The following ITGA8 variants were observed in gnomAD, a reference collection of about 807,000 sequenced individuals.
ITGA8 encodes the protein integrin alpha-8.
ITGA8 carries 91 observed loss-of-function variants against 142.3 expected under a neutral mutation model. That is an observed-to-expected ratio of 0.64 (90% CI 0.54 to 0.76). The LOEUF is 0.76. Among genes scored for constraint, ITGA8 ranks in the 30% least tolerant of loss-of-function variants. The pLI, the probability that ITGA8 is intolerant of heterozygous loss-of-function variation, is 0.00. For missense variants in ITGA8, 1,406 were observed against 1,327.7 expected (o/e 1.06, Z -0.92); for synonymous variants, 505 against 485.2 (o/e 1.04, Z -0.54).
intron 25 of ITGA8, among the ~76,000 whole-genome samples, chr10:15,567,594 A>G (rs142564495): frequency 5.3e-5 from 8 of 152,336 alleles, no homozygotes; most frequent in East Asian, 1.9e-4. Flanking sequence ...AGAAAACACA[A>G]CTGAACCTGA....
At chr10:15,660,810 A>T in intron 9 of ITGA8, 69 bp downstream of exon 9, 1 of 1,224,292 alleles carries the variant, frequency 8.2e-7, no homozygotes, top group South Asian at 1.2e-5. Flanking sequence ...GTTTATTCAG[A>T]TGTAATTCCA....
At chr10:15,517,992 C>G (rs1210347875) in intron 29 of ITGA8, among the ~76,000 whole-genome samples, 2 of 152,174 alleles carry the variant, frequency 1.3e-5, no homozygotes, top group Non-Finnish European at 2.9e-5. Flanking sequence ...AAGAGATGGC[C>G]ACACATCCCT....
At chr10:15,670,379 C>A (rs968807839) in intron 8 of ITGA8, among the ~76,000 whole-genome samples, 1 of 152,106 alleles carries the variant, frequency 6.6e-6, no homozygotes, top group Non-Finnish European at 1.5e-5. Context: ...TAAAGATGAG[C>A]AAATAAGAAC....
chr10:15,710,098 A>G (rs979922765), intron 2 of ITGA8, among the ~76,000 whole-genome samples: 4 of 152,086 alleles, frequency 2.6e-5, no homozygotes, highest in Non-Finnish European at 5.9e-5. Flanking sequence ...ATTTTTCCTG[A>G]TCATAAATAA....
intron 11 of ITGA8, among the ~76,000 whole-genome samples, chr10:15,648,208 C>T (rs1326119712): frequency 6.6e-6 from 1 of 151,974 alleles, no homozygotes; most frequent in East Asian, 1.9e-4. Context: ...ATAATTTGAT[C>T]TAAATTAATG....
At chr10:15,718,713 C>T (rs887836575) in intron 2 of ITGA8, 53 bp downstream of exon 2, 2 of 1,604,368 alleles carry the variant, frequency 1.2e-6, no homozygotes, top group Non-Finnish European at 1.7e-6. Flanking sequence ...TCTGGGATGG[C>T]CCTGGTTCTT....
At chr10:15,703,960 A>C (rs1835212218) in intron 2 of ITGA8, among the ~76,000 whole-genome samples, 1 of 152,200 alleles carries the variant, frequency 6.6e-6, no homozygotes, top group Non-Finnish European at 1.5e-5. Context: ...ACTGCCAGGC[A>C]CTACTATCTC....
chr10:15,640,931 C>T (rs878857377), intron 13 of ITGA8, among the ~76,000 whole-genome samples: 4 of 152,200 alleles, frequency 2.6e-5, no homozygotes, highest in African/African-American at 9.6e-5. Context: ...CTGAGCTACC[C>T]TTTAGTCTGA....
At chr10:15,592,428 C>T (rs1588663176) in intron 21 of ITGA8, 124 bp from the exon 22 acceptor site, 2 of 711,266 alleles carry the variant, frequency 2.8e-6, no homozygotes, top group East Asian at 2.7e-5. Flanking sequence ...GCTTCTACCC[C>T]AGGTGGCTGA....
Position 15,608,230 on chromosome 10 carries a change from C to G in ITGA8, c.1609+5G>C. 6.3e-7 allele frequency: 1 copy of G among 1,589,250 alleles called. No homozygotes were observed. Among genetic ancestry groups the G allele is most frequent in the Non-Finnish European group, 8.6e-7 (1 of 1,163,774 alleles). ...ATAAGAATGTAAAAATGAAAACATG[C>G]TTACCTATTGTGTTTGCAATGCTCT... On this transcript the variant is annotated splice_donor_5th_base_variant and intron_variant, in intron 16 of 29. Coordinates refer to ENST00000378076, the MANE Select transcript of ITGA8 (RefSeq NM_003638.3).
At chr10:15,667,155 T>C (rs1834411272) in intron 8 of ITGA8, among the ~76,000 whole-genome samples, 1 of 152,186 alleles carries the variant, frequency 6.6e-6, no homozygotes, top group African/African-American at 2.4e-5. Context: ...TCCTGGAATT[T>C]TTTTGGTTGG....
intron 13 of ITGA8, among the ~76,000 whole-genome samples, chr10:15,625,289 T>C (rs1833561347): frequency 6.6e-6 from 1 of 152,226 alleles, no homozygotes; most frequent in Non-Finnish European, 1.5e-5. Context: ...GTCTGCCTTA[T>C]GAAAATAGTT....
At chr10:15,570,737 C>T (rs72779954) in intron 25 of ITGA8, among the ~76,000 whole-genome samples, 16 of 151,514 alleles carry the variant, frequency 1.1e-4, no homozygotes, top group Middle Eastern at 6.9e-3. Flanking sequence ...TTAATACTAT[C>T]GTAGTCACAG....
intron 23 of ITGA8, among the ~76,000 whole-genome samples, chr10:15,581,832 A>G (rs957355168): frequency 6.6e-6 from 1 of 152,234 alleles, no homozygotes; most frequent in Non-Finnish European, 1.5e-5. Flanking sequence ...ATAGAAGAGA[A>G]TAGCAAATCC....
intron 9 of ITGA8, among the ~76,000 whole-genome samples, chr10:15,660,026 AAAT>A (rs1181445947): frequency 2.0e-5 from 3 of 152,274 alleles, no homozygotes; most frequent in African/African-American, 4.8e-5. Flanking sequence ...TCATGGAAAC[AAAT>A]AATAAATTTA....
chr10:15,706,879 C>T (rs1418482581), intron 2 of ITGA8, among the ~76,000 whole-genome samples: 1 of 152,224 alleles, frequency 6.6e-6, no homozygotes, highest in Non-Finnish European at 1.5e-5. Flanking sequence ...TTGCTTATAC[C>T]TGGCCTTCTG....
At chr10:15,601,235 T>C (rs1833099263) in intron 20 of ITGA8, among the ~76,000 whole-genome samples, 1 of 150,388 alleles carries the variant, frequency 6.6e-6, no homozygotes, top group Non-Finnish European at 1.5e-5. Flanking sequence ...CAAGACTCCA[T>C]AAAAAAAAGG....
At chr10:15,580,056 A>C (rs1439859672) in intron 23 of ITGA8, among the ~76,000 whole-genome samples, 1 of 151,454 alleles carries the variant, frequency 6.6e-6, no homozygotes, top group East Asian at 1.9e-4. Context: ...AAAACAAAGA[A>C]AAATTAATAA....
intron 2 of ITGA8, among the ~76,000 whole-genome samples, chr10:15,712,660 C>A (rs1381902787): frequency 6.6e-6 from 1 of 152,058 alleles, no homozygotes; most frequent in East Asian, 1.9e-4. Context: ...GTCATGGTAT[C>A]CATCAGGGCA....
Sources: allele counts gnomAD v4.1 joint callset (sites outside exome capture counted in the v4.1 genomes callset), GRCh38; gene constraint gnomAD v4.1.1; transcripts MANE v1.5; gene names NCBI Gene and HGNC (gene_info 2026-07-23, HGNC 2026-07-21).